The following GRID2 variants were observed in gnomAD, a reference collection of about 807,000 sequenced individuals.
GRID2 encodes the protein glutamate ionotropic receptor delta type subunit 2.
GRID2 carries 33 observed loss-of-function variants against 114.8 expected under a neutral mutation model. The ratio of observed to expected loss-of-function variants is 0.29; its 90% CI spans 0.22 to 0.38. The LOEUF (loss-of-function observed/expected upper bound fraction) is 0.38, where lower values mean the gene tolerates loss of function less well. Among genes scored for constraint, GRID2 ranks in the 10% least tolerant of loss-of-function variants. The pLI, the probability that GRID2 is intolerant of heterozygous loss-of-function variation, is 1.00. For missense variants in GRID2, 1,184 were observed against 1,257.7 expected (o/e 0.94, Z 0.89); for synonymous variants, 505 against 449.9 (o/e 1.12, Z -1.55).
chr4:92,405,322 G>A (rs894354122), intron 1 of GRID2, among the ~76,000 whole-genome samples: 1 of 152,088 alleles, frequency 6.6e-6, no homozygotes, highest in Non-Finnish European at 1.5e-5. Context: ...CACACAAAAT[G>A]TTAAAATGTT....
intron 2 of GRID2, among the ~76,000 whole-genome samples, chr4:92,879,716 G>A (rs1409773689): frequency 2.0e-5 from 3 of 152,150 alleles, no homozygotes; most frequent in South Asian, 4.1e-4. Context: ...AGTCACAAAA[G>A]GAAAAATAAG....
chr4:93,543,257 A>G (rs535063779), intron 13 of GRID2, among the ~76,000 whole-genome samples: 9 of 152,350 alleles, frequency 5.9e-5, no homozygotes, highest in Admixed American at 2.6e-4. Context: ...AGTAATCTGT[A>G]GCTTTGGTAT....
chr4:92,586,786 C>T (rs1239753883), intron 1 of GRID2, among the ~76,000 whole-genome samples: 5 of 151,826 alleles, frequency 3.3e-5, no homozygotes, highest in African/African-American at 1.2e-4. Context: ...TTTTCAGTAG[C>T]ATTACATGTA....
At chr4:92,756,903 G>A (rs999726887) in intron 2 of GRID2, among the ~76,000 whole-genome samples, 6 of 151,902 alleles carry the variant, frequency 3.9e-5, no homozygotes, top group African/African-American at 1.4e-4. Context: ...TCAACAGTTT[G>A]TCTCTTTATT....
At chr4:93,018,334 C>T (rs1419432137) in intron 2 of GRID2, among the ~76,000 whole-genome samples, 1 of 151,592 alleles carries the variant, frequency 6.6e-6, no homozygotes, top group Non-Finnish European at 1.5e-5. Context: ...CTTTAGTTTT[C>T]ACCATAACAG....
chr4:93,251,836 T>A (rs1443223998), intron 8 of GRID2, among the ~76,000 whole-genome samples: 3 of 152,194 alleles, frequency 2.0e-5, no homozygotes, highest in African/African-American at 4.8e-5. Context: ...AAGGATATGA[T>A]CTTGTTCTTT....
At chr4:92,751,128 G>A (rs912175424) in intron 2 of GRID2, among the ~76,000 whole-genome samples, 9 of 151,976 alleles carry the variant, frequency 5.9e-5, no homozygotes, top group Admixed American at 2.6e-4. Flanking sequence ...AGAAAAAAGC[G>A]TAAATAATCA....
chr4:92,895,036 A>G (rs900709438), intron 2 of GRID2, among the ~76,000 whole-genome samples: 1 of 151,988 alleles, frequency 6.6e-6, no homozygotes, highest in Non-Finnish European at 1.5e-5. Flanking sequence ...CCTGTCTCCC[A>G]TATTTAAGTT....
chr4:93,343,335 G>A (rs184908686), intron 8 of GRID2, among the ~76,000 whole-genome samples: 1 of 152,136 alleles, frequency 6.6e-6, no homozygotes, highest in East Asian at 1.9e-4. Context: ...GTATGAAAAA[G>A]AAAAGATGGG....
intron 2 of GRID2, among the ~76,000 whole-genome samples, chr4:93,015,271 G>A (rs893408693): frequency 6.6e-6 from 1 of 152,038 alleles, no homozygotes; most frequent in African/African-American, 2.4e-5. Flanking sequence ...CTAAAGAAGG[G>A]GAAAATGGAA....
At chr4:92,594,645 T>C (rs1728863357) in intron 2 of GRID2, among the ~76,000 whole-genome samples, 1 of 151,986 alleles carries the variant, frequency 6.6e-6, no homozygotes, top group East Asian at 1.9e-4. Context: ...CAACCCACAG[T>C]ACTCATTACC....
At chr4:93,710,284 A>C (rs1728372803) in intron 14 of GRID2, among the ~76,000 whole-genome samples, 1 of 152,214 alleles carries the variant, frequency 6.6e-6, no homozygotes. Flanking sequence ...CCATATATAC[A>C]TTAGGGGGCA....
chr4:92,336,954 G>GTTTTTTTTTTTTTTTTTTTT (rs59093874), intron 1 of GRID2, among the ~76,000 whole-genome samples: 5 of 78,182 alleles, frequency 6.4e-5, no homozygotes, highest in African/African-American at 1.6e-4. Context: ...TTTCGTTGTT[G>GTTTTTTTTTTTTTTTTTTTT]TTTTTTTTTT....
chr4:93,181,364 C>T (rs940494228), intron 4 of GRID2, among the ~76,000 whole-genome samples: 1 of 152,266 alleles, frequency 6.6e-6, no homozygotes, highest in East Asian at 1.9e-4. Context: ...GTCCCACTTA[C>T]AGAGTGCAGG....
chr4:92,388,469 T>G (rs919237140), intron 1 of GRID2, among the ~76,000 whole-genome samples: 1 of 151,932 alleles, frequency 6.6e-6, no homozygotes, highest in Non-Finnish European at 1.5e-5. Context: ...CTTCTGAAGG[T>G]TAATGTAATT....
chr4:93,330,890 C>T (rs914884210), intron 8 of GRID2, among the ~76,000 whole-genome samples: 3 of 152,074 alleles, frequency 2.0e-5, no homozygotes, highest in Admixed American at 6.6e-5. Flanking sequence ...TGATAGATTA[C>T]AGAACACAGC....
At chr4:93,699,312 A>T (rs1447760637) in intron 14 of GRID2, among the ~76,000 whole-genome samples, 1 of 152,090 alleles carries the variant, frequency 6.6e-6, no homozygotes, top group Non-Finnish European at 1.5e-5. Flanking sequence ...GTTAACATTA[A>T]TGTAACCCCA....
chr4:92,633,098 A>T (rs1730890845), intron 2 of GRID2, among the ~76,000 whole-genome samples: 1 of 152,126 alleles, frequency 6.6e-6, no homozygotes, highest in Admixed American at 6.6e-5. Flanking sequence ...ACGTGAAGTG[A>T]CAGGCTTGGA....
At chr4:92,799,060 G>A (rs961846875) in intron 2 of GRID2, among the ~76,000 whole-genome samples, 16 of 151,908 alleles carry the variant, frequency 1.1e-4, no homozygotes, top group Admixed American at 1.1e-3. Context: ...TGTGATTCAA[G>A]TGCATTACAT....
Sources: gnomAD v4.1 joint callset for allele counts (sites outside exome capture counted in the v4.1 genomes callset) on GRCh38, gnomAD v4.1.1 for gene constraint, MANE v1.5 for transcripts, NCBI Gene and HGNC (gene_info 2026-07-23, HGNC 2026-07-21) for gene names.